Variants in MBD2 observed in about 807,000 individuals in gnomAD.
MBD2 encodes methyl-CpG-binding domain protein 2.
Under a neutral mutation model 39.3 loss-of-function variants are expected in MBD2, and 9 were observed. The ratio of observed to expected loss-of-function variants is 0.23; its 90% CI spans 0.14 to 0.40. The LOEUF (loss-of-function observed/expected upper bound fraction) is 0.40. Among genes scored for constraint, MBD2 ranks in the 10% least tolerant of loss-of-function variants. The probability of loss-of-function intolerance (pLI) is 1.00; values close to 1 mark genes in which losing one functional copy is unlikely to be tolerated. For missense variants in MBD2, 458 were observed against 532.6 expected (o/e 0.86, Z 1.38); for synonymous variants, 233 against 211.1 (o/e 1.10, Z -0.90).
Position 54,205,037 on chromosome 18 carries a change from GTTC to G in MBD2, c.660_662del (p.Lys220del). The G allele has an allele frequency of 1.2e-6, 2 of 1,613,828 alleles. No individual in the cohort carries two copies. Among genetic ancestry groups the G allele is most frequent in the Admixed American group, 1.7e-5 (1 of 59,968 alleles). ...GAGGATCGTTTCGCAGTCTCTGTTT[GTTC>G]TTCTGTAATTTACTAGGCATCATCT... On this transcript the variant is annotated inframe_deletion, in exon 2 of 7. Coordinates refer to ENST00000256429, the MANE Select transcript of MBD2 (RefSeq NM_003927.5).
chr18:54,210,365 T>A lies in MBD2; in HGVS notation c.543-5208A>T, dbSNP rs75574698. On this transcript the variant is annotated intron_variant, in intron 1 of 6. Transcript: ENST00000256429. The stretch of plus-strand genomic sequence containing the variant: ...GCTCACTTTAATTTAGTGGTACTCA[T>A]ATTTTGTCGCACTGTGAACTTACCT... Among the ~76,000 whole-genome samples, 58 of 152,326 alleles carry A rather than the reference T, an allele frequency of 3.8e-4. No individual in the cohort carries two copies. The East Asian group carries it at 0.011, about 29-fold the overall frequency.
In MBD2 at chr18:54,211,555, A is replaced by T. The variant is rs999258101; in HGVS notation, c.543-6398T>A. Among the ~76,000 whole-genome samples the T allele has an allele frequency of 1.4e-4, 21 of 152,160 alleles. No homozygotes were observed. In the East Asian group the frequency reaches 3.5e-3, roughly 25 times the overall value. ...CACTCCTCTACAGCTTGTCCCTGAT[A>T]GATTTTATCTGCTCTTATTTTATTC... On this transcript the variant is annotated intron_variant, in intron 1 of 6. Transcript: ENST00000256429.
Position 54,224,211 on chromosome 18 carries a change from C to T in MBD2, c.349G>A (p.Gly117Ser). Residue 117 changes from glycine (G) to serine (S), a missense_variant, in exon 1 of 7, where the codon GGT becomes AGT. This residue lies in a region of MBD2 where 269 missense variants were observed against 236.0 expected (regional missense o/e 1.14). Transcript: ENST00000256429. ...TCCCGCCGGGGGGCGCCGCCGCCAC[C>T]GCTGCCGCCGCCGCCGCAGCCGCCG... is the stretch of plus-strand genomic sequence containing the variant. ...DGGGCGGGGSGGGGAPRREPV... is the reference protein window; with the variant it reads ...DGGGCGGGGSSGGGAPRREPV... 8.8e-7 allele frequency: 1 copy of T among 1,138,916 alleles called. No individual in the cohort carries two copies. The highest frequency in any genetic ancestry group is 1.1e-6 in the Non-Finnish European group (1 of 927,908). The allele number at this position is 1,138,916 out of a possible 1,614,324, so 70.6% of individuals were successfully genotyped here.
chr18:54,184,880 T>C (rs559734863), intron 3 of MBD2, among the ~76,000 whole-genome samples: 1 of 152,324 alleles, frequency 6.6e-6, no homozygotes, highest in South Asian at 2.1e-4. Context: ...ACATCCTCTA[T>C]TTTCCCTGCC....
At chr18:54,155,398 A>G (rs1324029042) in intron 6 of MBD2, 87 bp from the exon 7 acceptor site, 1 of 152,144 alleles carries the variant, frequency 6.6e-6, no homozygotes, top group African/African-American at 2.4e-5. Context: ...AAAGAATTAG[A>G]GATTGAATTC....
chr18:54,202,744 G>A, intron 2 of MBD2: 1 of 1,429,382 alleles, frequency 7.0e-7, no homozygotes. Flanking sequence ...CTAGAATGAG[G>A]TGGATGGTAA....
In MBD2 at chr18:54,203,095, C is replaced by T. The variant is rs755435810; in HGVS notation, c.702+1903G>A. On this transcript the variant is annotated intron_variant, in intron 2 of 6. Coordinates refer to ENST00000256429, the MANE Select transcript of MBD2 (RefSeq NM_003927.5). ...CCATGGTGCAGGACGATGAGTGTTC[C>T]AGCGCAGCTAGAGCAGAAAAGTGCA... 3.7e-6 allele frequency: 6 copies of T among 1,605,338 alleles called. No individual in the cohort carries two copies. The South Asian group carries it at 6.6e-5, about 18-fold the overall frequency.
chr18:54,157,541 G>A lies in MBD2; in HGVS notation c.*12+2224C>T, dbSNP rs150796471. The stretch of plus-strand genomic sequence containing the variant: ...CTCCCAAAGTGCTGGGATTATAGGC[G>A]TGAGCCACCACACCCAGCCTGAAAT... On this transcript the variant is annotated intron_variant, in intron 6 of 6. Coordinates refer to ENST00000256429, the MANE Select transcript of MBD2 (RefSeq NM_003927.5). 6.5e-3 allele frequency among the ~76,000 whole-genome samples: 986 copies of A among 152,228 alleles called. 14 individuals carry two copies. Among genetic ancestry groups the A allele is most frequent in the African/African-American group, 0.022 (905 of 41,538 alleles).
At chr18:54,207,525 G>A (rs546100232) in intron 1 of MBD2, among the ~76,000 whole-genome samples, 4 of 152,236 alleles carry the variant, frequency 2.6e-5, no homozygotes, top group Admixed American at 6.5e-5. Flanking sequence ...AGCAAAAAAC[G>A]TTATCAGTTC....
At chr18:54,187,345 T>C (rs923109817) in intron 3 of MBD2, among the ~76,000 whole-genome samples, 7 of 152,202 alleles carry the variant, frequency 4.6e-5, no homozygotes, top group African/African-American at 1.7e-4. Flanking sequence ...TTGAAGCAAA[T>C]CTGTTTTACC....
rs1220625429 is a variant in MBD2 at position 54,216,975 on chromosome 18, G to C, written c.542+7043C>G. ...TGGTTGACACATGCCTGTAATCCCG[G>C]CTACTTGGGAAGCTGAGGCAGGATA... On this transcript the variant is annotated intron_variant, in intron 1 of 6. Coordinates refer to ENST00000256429, the MANE Select transcript of MBD2 (RefSeq NM_003927.5). Among the ~76,000 whole-genome samples the C allele has an allele frequency of 4.6e-5, 7 of 152,298 alleles. 1 individual carries two copies. The highest frequency in any genetic ancestry group is 4.6e-4 in the Admixed American group (7 of 15,304).
chr18:54,180,778 A>G (rs1790514), intron 3 of MBD2, among the ~76,000 whole-genome samples: 5,753 of 152,082 alleles, frequency 0.038, 347 homozygotes, highest in African/African-American at 0.13. Flanking sequence ...TTACTTAGAG[A>G]AATAAAAAAA....
intron 1 of MBD2, among the ~76,000 whole-genome samples, chr18:54,212,103 A>G (rs921104286): frequency 1.3e-5 from 2 of 150,710 alleles, no homozygotes; most frequent in Admixed American, 6.6e-5. Flanking sequence ...CCTACTTTCC[A>G]CTCTTACCTA....
At position 54,197,267 on chromosome 18, in the gene MBD2, G is replaced by C. The variant is rs1045987171; in HGVS notation, c.702+7731C>G. On this transcript the variant is annotated intron_variant, in intron 2 of 6. Coordinates refer to ENST00000256429, the MANE Select transcript of MBD2 (RefSeq NM_003927.5). ...TTTTCCACACACAGTCAAAGCAGTC[G>C]TATTTCCCCCTATGTAAAACCCTCA... Among the ~76,000 whole-genome samples, 3 of 152,118 alleles carry C rather than the reference G, an allele frequency of 2.0e-5. No individual in the cohort carries two copies. In the South Asian group the frequency reaches 6.2e-4, roughly 32 times the overall value.
intron 3 of MBD2, among the ~76,000 whole-genome samples, chr18:54,178,398 G>A (rs1281320498): frequency 1.3e-5 from 2 of 151,730 alleles, no homozygotes; most frequent in African/African-American, 4.8e-5. Flanking sequence ...TAAATGTAAG[G>A]GTAATCTCAC....
intron 5 of MBD2, among the ~76,000 whole-genome samples, chr18:54,163,330 G>A (rs1460113078): frequency 1.3e-5 from 2 of 152,008 alleles, no homozygotes; most frequent in East Asian, 1.9e-4. Flanking sequence ...TGATTCGAAA[G>A]TGTCATCTGC....
chr18:54,182,529 G>A (rs2086258153), intron 3 of MBD2, among the ~76,000 whole-genome samples: 2 of 152,164 alleles, frequency 1.3e-5, no homozygotes, highest in Non-Finnish European at 2.9e-5. Flanking sequence ...AAGAAGGTGA[G>A]GCCAGAGAGG....
chr18:54,166,089 G>C lies in MBD2; in HGVS notation c.918C>G (p.Pro306=), dbSNP rs2086129646. 1.2e-6 allele frequency: 2 copies of C among 1,610,482 alleles called. No homozygotes were observed. The highest frequency in any genetic ancestry group is 2.7e-5 in the African/African-American group (2 of 74,816). ...CTTAGATAATACCTTGAAGACCTTT[G>C]GGTAGTTCCATGGTTTTTATAATTT... is the stretch of plus-strand genomic sequence containing the variant. ...TEQIIKTMEL[P]KGLQGVGPGS... The change falls in exon 4 of 7, where the codon CCC becomes CCG. Residue 306 remains proline (P), a synonymous_variant. Coordinates refer to ENST00000256429, the MANE Select transcript of MBD2 (RefSeq NM_003927.5).
At position 54,159,348 on chromosome 18, in the gene MBD2, G is replaced by A. The variant is rs147934959; in HGVS notation, c.*12+417C>T. ...ACAAACAACAGCACATGCAGAACCC[G>A]AGCAGAGGAGTAGCTTTTTCATTCA... is the stretch of plus-strand genomic sequence containing the variant. On this transcript the variant is annotated intron_variant, in intron 6 of 6. Transcript: ENST00000256429. Among the ~76,000 whole-genome samples the A allele has an allele frequency of 4.9e-3, 750 of 151,996 alleles. 5 individuals carry two copies. The highest frequency in any genetic ancestry group is 0.017 in the African/African-American group (712 of 41,494).
Sources: gnomAD v4.1 joint callset for allele counts (sites outside exome capture counted in the v4.1 genomes callset) on GRCh38, gnomAD v4.1.1 for gene constraint, gnomAD v4.1.1 regional missense constraint, MANE v1.5 for transcripts, NCBI Gene and HGNC (gene_info 2026-07-23, HGNC 2026-07-21) for gene names.